ITFG2: variants seen among roughly 807,000 people sequenced by gnomAD.
ITFG2 encodes the protein integrin alpha FG-GAP repeat containing 2.
A neutral mutation model predicts 54.4 loss-of-function variants in ITFG2; 36 were observed. The observed-to-expected ratio is 0.66, with a 90% CI of 0.51 to 0.87. ITFG2 has a LOEUF of 0.87. ITFG2 is among the 40% of genes least tolerant of loss of function. The probability of loss-of-function intolerance (pLI) is 0.00; values close to 1 mark genes in which losing one functional copy is unlikely to be tolerated. For missense variants in ITFG2, 524 were observed against 576.7 expected (o/e 0.91, Z 0.94); for synonymous variants, 211 against 225.4 (o/e 0.94, Z 0.57).
At chr12:2,814,438 T>A (rs1285027176) in intron 1 of ITFG2, among the ~76,000 whole-genome samples, 1 of 152,224 alleles carries the variant, frequency 6.6e-6, no homozygotes, top group Non-Finnish European at 1.5e-5. Context: ...ACTACCATTT[T>A]TTTTCACCTG....
chr12:2,815,612 GT>G (rs1176995981), intron 1 of ITFG2, among the ~76,000 whole-genome samples: 1 of 152,200 alleles, frequency 6.6e-6, no homozygotes, highest in African/African-American at 2.4e-5. Flanking sequence ...TAAACATGAG[GT>G]CTGAAGTTAG....
intron 2 of ITFG2, chr12:2,849,136 T>C (rs2098061820): frequency 7.5e-7 from 1 of 1,334,864 alleles, no homozygotes; most frequent in Non-Finnish European, 9.9e-7. Context: ...CCAGAGTCCT[T>C]TTGCTACCCC....
chr12:2,854,278 G>A (rs1257426413), intron 2 of ITFG2, among the ~76,000 whole-genome samples: 1 of 152,198 alleles, frequency 6.6e-6, no homozygotes, highest in Non-Finnish European at 1.5e-5. Context: ...GGCCGCCTCG[G>A]CCTCCTAAAG....
At chr12:2,816,723 C>T (rs990330688) in intron 1 of ITFG2, among the ~76,000 whole-genome samples, 9 of 150,362 alleles carry the variant, frequency 6.0e-5, no homozygotes, top group African/African-American at 2.2e-4. Flanking sequence ...CTCACTGCAA[C>T]CTCTACCTCC....
At chr12:2,831,030 G>A (rs1362922816), downstream of ITFG2, 1 of 545,096 alleles carries the variant, frequency 1.8e-6, no homozygotes, top group African/African-American at 2.1e-5. Context: ...GTAAGCCCCA[G>A]TATCAAATCA....
rs1348163139 is a variant in ITFG2, at chr12:2,823,943, G to C, written c.1240G>C (p.Asp414His). ...CAGCCTGCTGCAGGAGCTGGGCGTG[G>C]GTGAGTCCCAGAAAAGCCAGTGGCC... ...YHSLLQELGV[D>H]PDDLPVTRAL... is the part of the protein sequence containing the mutation. Residue 414 changes from aspartate to histidine, a missense_variant and splice_region_variant, in exon 11 of 12, where the codon GAT becomes CAT. Transcript: ENST00000228799. 6.2e-7 allele frequency: 1 copy of C among 1,612,838 alleles called. No individual in the cohort carries two copies. Among genetic ancestry groups the C allele is most frequent in the Admixed American group, 1.7e-5 (1 of 59,946 alleles).
upstream of ITFG2, among the ~76,000 whole-genome samples, chr12:2,832,732 G>A (rs1603484549): frequency 6.7e-6 from 1 of 148,854 alleles, no homozygotes; most frequent in Non-Finnish European, 1.5e-5. Flanking sequence ...TATATCCCAG[G>A]GCATGGCTCA....
In ITFG2 at chr12:2,817,347, G is replaced by T. The variant is rs376796363; in HGVS notation, c.192+29G>T. On this transcript the variant is annotated intron_variant, in intron 2 of 11. Coordinates refer to ENST00000228799, the MANE Select transcript of ITFG2 (RefSeq NM_018463.4). ...AGTATTCACTTCCCTGGGCCTGGAG[G>T]GGGGAAGGGATCCCTTCTGTCCAGG... 2.2e-4 allele frequency: 332 copies of T among 1,525,198 alleles called. 2 individuals are homozygous for T. Among genetic ancestry groups the T allele is most frequent in the African/African-American group, 1.8e-3 (131 of 73,406 alleles). 94.5% of individuals were successfully genotyped at this position (1,525,198 alleles called of 1,614,324 possible).
At chr12:2,833,302 C>G (rs2098012627), upstream of ITFG2, among the ~76,000 whole-genome samples, 1 of 152,122 alleles carries the variant, frequency 6.6e-6, no homozygotes. Flanking sequence ...ACCCGCTTCC[C>G]TGCTCCATCC....
chr12:2,828,734 C>T (rs955600283), downstream of ITFG2, among the ~76,000 whole-genome samples: 1 of 152,004 alleles, frequency 6.6e-6, no homozygotes, highest in African/African-American at 2.4e-5. Flanking sequence ...CCCAGCTACT[C>T]GGGAGGCTGA....
At chr12:2,823,033 A>G (rs1180898675) in intron 10 of ITFG2, 122 bp downstream of exon 10, 1 of 734,468 alleles carries the variant, frequency 1.4e-6, no homozygotes, top group Non-Finnish European at 2.4e-6. Flanking sequence ...GTAAGTCTTC[A>G]TTCACCAGTG....
intron 4 of ITFG2, chr12:2,818,495 A>C (rs138875953): frequency 1.2e-6 from 1 of 836,202 alleles, no homozygotes; most frequent in Admixed American, 2.8e-5. Flanking sequence ...TATTATGAAG[A>C]AACAGAAAAG....
At position 2,818,253 on chromosome 12, in the gene ITFG2, A is replaced by G. The variant is rs2097928607; in HGVS notation, c.382A>G (p.Lys128Glu). 1 of 1,613,710 alleles carries G rather than the reference A, an allele frequency of 6.2e-7. No individual in the cohort carries two copies. The highest frequency in any genetic ancestry group is 8.5e-7 in the Non-Finnish European group (1 of 1,180,046). The change falls in exon 4 of 12, where the codon AAG (lysine) becomes GAG (glutamate). Residue 128 changes from lysine to glutamate, a missense_variant. Transcript: ENST00000228799. ...CAAGCAGCACATCCCTGCCAACACC[A>G]AGGTCATGCTGATCAGCGACATCGG... ...VFKQHIPANT[K>E]VMLISDIDGD...
upstream of ITFG2, among the ~76,000 whole-genome samples, chr12:2,836,224 C>T (rs1050399711): frequency 6.6e-6 from 1 of 152,232 alleles, no homozygotes; most frequent in Non-Finnish European, 1.5e-5. Context: ...CACACTGAGA[C>T]AGCTGCACAC....
chr12:2,828,098 AC>A, downstream of ITFG2: 1 of 1,521,088 alleles, frequency 6.6e-7, no homozygotes, highest in Non-Finnish European at 9.0e-7. Flanking sequence ...AGAGGGTTCC[AC>A]CCCATTAATC....
chr12:2,818,449 GAATA>G (rs907727040), intron 4 of ITFG2, 172 bp downstream of exon 4: 206 of 1,356,632 alleles, frequency 1.5e-4, no homozygotes, highest in Non-Finnish European at 1.9e-4. Flanking sequence ...TTGCCATAGT[GAATA>G]AATAGACAAA....
intron 4 of ITFG2, 37 bp from the exon 5 acceptor site, chr12:2,820,049 G>C: frequency 6.3e-7 from 1 of 1,576,296 alleles, no homozygotes; most frequent in East Asian, 2.2e-5. Context: ...GGCTGCTCGT[G>C]GGACTCCAGA....
intron 2 of ITFG2, among the ~76,000 whole-genome samples, chr12:2,850,891 C>T (rs2098068266): frequency 1.3e-5 from 2 of 151,358 alleles, no homozygotes; most frequent in South Asian, 2.1e-4. Context: ...AGGCTGGTCT[C>T]GAACTCTTGA....
At chr12:2,859,104 G>T in intron 3 of ITFG2, 1 of 1,606,438 alleles carries the variant, frequency 6.2e-7, no homozygotes. Flanking sequence ...CGGGGTGGAG[G>T]AGATGGGCAG....
Sources: allele counts gnomAD v4.1 joint callset (sites outside exome capture counted in the v4.1 genomes callset), GRCh38; gene constraint gnomAD v4.1.1; transcripts MANE v1.5; gene names NCBI Gene and HGNC (gene_info 2026-07-23, HGNC 2026-07-21).